CACNA1I: variants seen among roughly 807,000 people sequenced by gnomAD.
CACNA1I encodes calcium voltage-gated channel subunit alpha1 I.
In CACNA1I, 74 loss-of-function variants were observed where a neutral mutation model predicts 201.6. That is an observed-to-expected ratio of 0.37 (90% CI 0.30 to 0.45). The LOEUF is 0.45. Ranked by LOEUF, CACNA1I falls within the 20% of genes least tolerant of loss-of-function variation. CACNA1I has a pLI of 1.00. For synonymous variants in CACNA1I, 1,431 were observed against 1,345.2 expected (o/e 1.06, Z -1.40); for missense variants, 2,346 against 3,138.1 (o/e 0.75, Z 6.03).
rs1432881677 is a variant in CACNA1I, at chr22:39,598,279, G to GCCCCA, written c.348+21_348+22insACCCC. The GCCCCA allele has an allele frequency of 9.6e-6, 9 of 936,136 alleles. No individual in the cohort carries two copies. Among genetic ancestry groups the GCCCCA allele is most frequent in the South Asian group, 1.7e-5 (1 of 58,914 alleles). The allele number at this position is 936,136 out of a possible 1,614,324, so 58.0% of individuals were successfully genotyped here. On this transcript the variant is annotated intron_variant, in intron 2 of 36. Transcript: ENST00000402142. ...ATCCTGCAGGTGAGCCGGCCGCCCC[G>GCCCCA]CCCCGCCCCGCCCTGCCCTCATCCT...
chr22:39,680,674 C>T (rs902677822), intron 33 of CACNA1I, among the ~76,000 whole-genome samples: 2 of 152,206 alleles, frequency 1.3e-5, no homozygotes, highest in African/African-American at 4.8e-5. Context: ...AACTCACCTG[C>T]CCTCAGGTCC....
At chr22:39,638,119 T>C (rs1195817355) in intron 5 of CACNA1I, among the ~76,000 whole-genome samples, 2 of 152,226 alleles carry the variant, frequency 1.3e-5, no homozygotes, top group African/African-American at 4.8e-5. Flanking sequence ...TTTGTATTGT[T>C]AGTAGAGATG....
At chr22:39,628,221 C>T (rs2072239610) in intron 4 of CACNA1I, among the ~76,000 whole-genome samples, 2 of 152,170 alleles carry the variant, frequency 1.3e-5, no homozygotes, top group South Asian at 4.1e-4. Flanking sequence ...AAAGTAAAAT[C>T]CACCGGGGGT....
chr22:39,654,912 G>A (rs1601500771), intron 10 of CACNA1I, among the ~76,000 whole-genome samples: 2 of 152,282 alleles, frequency 1.3e-5, no homozygotes. Context: ...TATCCTTAGG[G>A]CAATGGGGAG....
chr22:39,576,704 C>G (rs1401211762), intron 1 of CACNA1I, among the ~76,000 whole-genome samples: 1 of 152,202 alleles, frequency 6.6e-6, no homozygotes, highest in East Asian at 1.9e-4. Context: ...GCCCAATAAC[C>G]CTTTGCGCCC....
rs1423501228 is a variant in CACNA1I, at chr22:39,598,280, C to CCCCGT, written c.348+22_348+23insTCCCG. On this transcript the variant is annotated intron_variant, in intron 2 of 36. Coordinates refer to ENST00000402142, the MANE Select transcript of CACNA1I (RefSeq NM_021096.4). The stretch of plus-strand genomic sequence containing the variant: ...TCCTGCAGGTGAGCCGGCCGCCCCG[C>CCCCGT]CCCGCCCCGCCCTGCCCTCATCCTC... 3.0e-6 allele frequency: 4 copies of CCCCGT among 1,340,428 alleles called. No individual in the cohort carries two copies. The highest frequency in any genetic ancestry group is 3.0e-6 in the Non-Finnish European group (3 of 996,108). 83.0% of individuals were successfully genotyped at this position (1,340,428 alleles called of 1,614,324 possible).
chr22:39,642,844 T>A lies in CACNA1I; in HGVS notation c.1104T>A (p.Asp368Glu), dbSNP rs1934384758. Residue 368 changes from aspartate to glutamate, a missense_variant, in exon 7 of 37, where the codon GAT (aspartate) becomes GAA (glutamate). By Grantham distance (45) the Asp-to-Glu change is conservative. Transcript: ENST00000402142. ...GWVEIMYYVM[D>E]AHSFYNFIYF... ...TGGAGATCATGTACTACGTGATGGA[T>A]GCTCACTCCTTCTACAACTTCATCT... 1 of 1,611,644 alleles carries A rather than the reference T, an allele frequency of 6.2e-7. No homozygotes were observed. The highest frequency in any genetic ancestry group is 8.5e-7 in the Non-Finnish European group (1 of 1,178,798).
Position 39,679,126 on chromosome 22 carries a change from C to A in CACNA1I, c.5075C>A (p.Thr1692Asn). The change falls in exon 32 of 37, where the codon ACC becomes AAC. Residue 1692 changes from threonine (T) to asparagine (N), a missense_variant. Coordinates refer to ENST00000402142, the MANE Select transcript of CACNA1I (RefSeq NM_021096.4). Reference protein sequence around the residue: ...GIMKDTLRDCTHDERSCLSSL... With the variant: ...GIMKDTLRDCNHDERSCLSSL... Reference sequence around the variant, plus strand: ...ACGCAGGACACGCTGCGGGACTGCACCCACGACGAGCGCAGCTGCCTGAGC... The same window carrying A: ...ACGCAGGACACGCTGCGGGACTGCAACCACGACGAGCGCAGCTGCCTGAGC... The A allele has an allele frequency of 1.3e-6, 2 of 1,593,920 alleles. No homozygotes were observed. Among genetic ancestry groups the A allele is most frequent in the Middle Eastern group, 1.7e-4 (1 of 6,032 alleles).
rs1935513584 is a variant in CACNA1I at position 39,676,404 on chromosome 22, A to T, written c.4855-937A>T. 6.6e-6 allele frequency among the ~76,000 whole-genome samples: 1 copy of T among 152,148 alleles called. No homozygotes were observed. The highest frequency in any genetic ancestry group is 2.1e-4 in the South Asian group (1 of 4,822). ...CGGAGAAACTCGAGGAGTGGTGATT[A>T]ATGGGGTTTACTTTTCAGCAGTTAA... On this transcript the variant is annotated intron_variant, in intron 29 of 36. Coordinates refer to ENST00000402142, the MANE Select transcript of CACNA1I (RefSeq NM_021096.4). The surrounding 1 kb of genome is among the most constrained non-coding windows in gnomAD (Gnocchi z 4.8).
chr22:39,597,621 G>A (rs1010609773), intron 1 of CACNA1I, among the ~76,000 whole-genome samples: 2 of 152,250 alleles, frequency 1.3e-5, no homozygotes, highest in African/African-American at 4.8e-5. Flanking sequence ...TAGGTGATGA[G>A]CCCTACCTGA....
At position 39,635,461 on chromosome 22, in the gene CACNA1I, G is replaced by T. The variant is rs1204550075; in HGVS notation, c.740+737G>T. Reference sequence around the variant, plus strand: ...CCGAGGTGACTGTAGGAAGCGTGGGGACGTGGGGACACTGTACAGGTGAGG... The same window carrying T: ...CCGAGGTGACTGTAGGAAGCGTGGGTACGTGGGGACACTGTACAGGTGAGG... On this transcript the variant is annotated intron_variant, in intron 5 of 36. Coordinates refer to ENST00000402142, the MANE Select transcript of CACNA1I (RefSeq NM_021096.4). Among the ~76,000 whole-genome samples the T allele has an allele frequency of 3.3e-5, 5 of 152,300 alleles. No individual in the cohort carries two copies. The East Asian group carries it at 9.7e-4, about 29-fold the overall frequency.
rs1453187323 is a variant in CACNA1I, at chr22:39,688,234, C to G, written c.*1829C>G. ...GTGGTGTGGAGGGCCCTACTCCACA[C>G]CCTAGAGCTGTGATGCTGAGCAAGG... On this transcript the variant is annotated 3_prime_UTR_variant, in exon 37 of 37. Transcript: ENST00000402142. This position sits in a 1 kb window ranked among gnomAD's most constrained non-coding sequence, Gnocchi z 4.8. 3 of 152,392 alleles carry G rather than the reference C, an allele frequency of 2.0e-5. No homozygotes were observed. Among genetic ancestry groups the G allele is most frequent in the Non-Finnish European group, 1.5e-5 (1 of 68,210 alleles). 9.4% of individuals were successfully genotyped at this position (152,392 alleles called of 1,614,324 possible). A position where few individuals can be genotyped will look rare whatever the true frequency, so the allele number is the denominator to read the frequency against.
At chr22:39,674,654 C>T (rs1601524013) in intron 29 of CACNA1I, among the ~76,000 whole-genome samples, 1 of 152,154 alleles carries the variant, frequency 6.6e-6, no homozygotes, top group African/African-American at 2.4e-5. Context: ...TCTGCAATCC[C>T]AGTCCTTCCC....
intron 3 of CACNA1I, among the ~76,000 whole-genome samples, chr22:39,601,998 T>C (rs1309669661): frequency 6.1e-4 from 4 of 6,526 alleles, no homozygotes; most frequent in African/African-American, 1.4e-3. Flanking sequence ...CCTTCCTTCC[T>C]TCCCTCCTTC....
chr22:39,681,231 G>T (rs997093580), intron 34 of CACNA1I, among the ~76,000 whole-genome samples, 179 bp downstream of exon 34: 2 of 152,348 alleles, frequency 1.3e-5, no homozygotes, highest in African/African-American at 4.8e-5. Flanking sequence ...GGAGTGATTT[G>T]CCTGAGGTCA....
At chr22:39,575,910 A>G (rs555150121) in intron 1 of CACNA1I, among the ~76,000 whole-genome samples, 3 of 152,056 alleles carry the variant, frequency 2.0e-5, no homozygotes, top group East Asian at 3.9e-4. Flanking sequence ...GAGTAGCTGG[A>G]ATTACAGAAG....
At chr22:39,664,652 C>A in intron 20 of CACNA1I, 87 bp from the exon 21 acceptor site, 1 of 548,918 alleles carries the variant, frequency 1.8e-6, no homozygotes, top group Non-Finnish European at 3.2e-6. Flanking sequence ...AGGCCTCGCC[C>A]CGCCCCCTTG....
intron 10 of CACNA1I, among the ~76,000 whole-genome samples, chr22:39,657,500 G>A (rs775969435): frequency 5.3e-5 from 8 of 152,180 alleles, no homozygotes; most frequent in African/African-American, 7.2e-5. Context: ...GTCCTGAGAC[G>A]GCCATTGCTG....
intron 1 of CACNA1I, among the ~76,000 whole-genome samples, chr22:39,579,364 A>G (rs1932473836): frequency 6.6e-6 from 1 of 152,232 alleles, no homozygotes; most frequent in Admixed American, 6.5e-5. Flanking sequence ...AGAGAAGGCA[A>G]GCTCAGGACC....
Sources: gnomAD v4.1 joint callset for allele counts (sites outside exome capture counted in the v4.1 genomes callset) on GRCh38, gnomAD v4.1.1 for gene constraint, Gnocchi (gnomAD v3.1) non-coding constraint, MANE v1.5 for transcripts, NCBI Gene and HGNC (gene_info 2026-07-23, HGNC 2026-07-21) for gene names.